Variants in ATP8A2 observed in about 807,000 individuals in gnomAD.
The protein encoded by ATP8A2 is phospholipid-transporting ATPase IB.
In ATP8A2, 100 loss-of-function variants were observed where a neutral mutation model predicts 165.6. The observed-to-expected ratio is 0.60, with a 90% CI of 0.51 to 0.71. ATP8A2 has a LOEUF of 0.71. Among genes scored for constraint, ATP8A2 ranks in the 30% least tolerant of loss-of-function variants. The probability of loss-of-function intolerance (pLI) is 0.00; values close to 1 mark genes in which losing one functional copy is unlikely to be tolerated. For synonymous variants in ATP8A2, 543 were observed against 548.8 expected, an observed-to-expected ratio of 0.99 and a Z score of 0.15; for missense variants, 1,227 against 1,479.5, an observed-to-expected ratio of 0.83 and a Z score of 2.80.
chr13:25,624,077 C>T (rs1281871942), intron 24 of ATP8A2, among the ~76,000 whole-genome samples: 1 of 152,046 alleles, frequency 6.6e-6, no homozygotes, highest in Non-Finnish European at 1.5e-5. Context: ...AAATATTTTG[C>T]ACATTGGTGG....
At chr13:25,620,745 A>G (rs1327352034) in intron 24 of ATP8A2, among the ~76,000 whole-genome samples, 1 of 152,204 alleles carries the variant, frequency 6.6e-6, no homozygotes, top group Non-Finnish European at 1.5e-5. Flanking sequence ...AATTAAGACA[A>G]AATTCTTTAC....
intron 1 of ATP8A2, among the ~76,000 whole-genome samples, chr13:25,447,464 G>C (rs2035100679): frequency 6.6e-6 from 1 of 152,146 alleles, no homozygotes. Flanking sequence ...CATTTACTTG[G>C]CTGCCATGCT....
chr13:25,585,628 CAA>C (rs1275137287), intron 23 of ATP8A2, among the ~76,000 whole-genome samples: 4 of 152,016 alleles, frequency 2.6e-5, no homozygotes, highest in African/African-American at 9.7e-5. Context: ...ATAAGGTAAA[CAA>C]TATGATGTTA....
chr13:25,413,871 T>G (rs1450457964), intron 1 of ATP8A2, among the ~76,000 whole-genome samples: 1 of 152,182 alleles, frequency 6.6e-6, no homozygotes, highest in Non-Finnish European at 1.5e-5. Context: ...ATCCCCTGTT[T>G]TTTTATTTCT....
At chr13:25,533,986 T>G (rs866392672) in intron 6 of ATP8A2, among the ~76,000 whole-genome samples, 36 of 152,340 alleles carry the variant, frequency 2.4e-4, no homozygotes, top group African/African-American at 7.0e-4. Context: ...AGTCCAGCAT[T>G]CAAAGCCGAT....
chr13:25,615,424 G>T (rs1461764719), intron 24 of ATP8A2, among the ~76,000 whole-genome samples: 1 of 152,066 alleles, frequency 6.6e-6, no homozygotes, highest in Non-Finnish European at 1.5e-5. Flanking sequence ...TTATTTCCAG[G>T]CAGTGGGTGA....
At chr13:26,007,134 A>G (rs1228397400) in intron 35 of ATP8A2, among the ~76,000 whole-genome samples, 1 of 152,134 alleles carries the variant, frequency 6.6e-6, no homozygotes, top group African/African-American at 2.4e-5. Context: ...TTTTGTGAAC[A>G]GATAGCTTCC....
intron 24 of ATP8A2, among the ~76,000 whole-genome samples, chr13:25,595,234 A>C (rs1229593551): frequency 6.6e-6 from 1 of 152,220 alleles, no homozygotes; most frequent in African/African-American, 2.4e-5. Flanking sequence ...CATCAAAAGA[A>C]AGATGTACTG....
intron 25 of ATP8A2, among the ~76,000 whole-genome samples, chr13:25,712,214 T>C (rs1477601417): frequency 6.6e-6 from 1 of 152,170 alleles, no homozygotes; most frequent in African/African-American, 2.4e-5. Flanking sequence ...GACTGCTCTT[T>C]GACTTTTGGC....
chr13:25,535,511 T>C (rs2038249765), intron 6 of ATP8A2, among the ~76,000 whole-genome samples: 1 of 152,172 alleles, frequency 6.6e-6, no homozygotes, highest in Admixed American at 6.5e-5. Flanking sequence ...GGAACAATCA[T>C]GTAAGAACAT....
rs529737471 is a variant in ATP8A2 at position 25,854,422 on chromosome 13, A to G, written c.2957-5773A>G. On this transcript the variant is annotated intron_variant, in intron 30 of 36. Coordinates refer to ENST00000381655, the MANE Select transcript of ATP8A2 (RefSeq NM_016529.6). ...GTGATCATAGCTCACTGCAGCTTCA[A>G]CTTCCTGGGCTTAAGGAATCCTCCC... 3.3e-4 allele frequency among the ~76,000 whole-genome samples: 50 copies of G among 152,270 alleles called. 1 individual carries two copies. The highest frequency in any genetic ancestry group is 1.1e-3 in the African/African-American group (44 of 41,544).
intron 25 of ATP8A2, among the ~76,000 whole-genome samples, chr13:25,767,219 G>A (rs1243281324): frequency 7.2e-5 from 11 of 152,312 alleles, no homozygotes; most frequent in East Asian, 5.8e-4. Context: ...CAAACTAGGC[G>A]GGAATAGATA....
rs557443941 is a variant in ATP8A2 at position 25,961,607 on chromosome 13, G to C, written c.3216G>C (p.Trp1072Cys). The C allele has an allele frequency of 6.2e-7, 1 of 1,614,110 alleles. No homozygotes were observed. The highest frequency in any genetic ancestry group is 1.1e-5 in the South Asian group (1 of 91,076). The change falls in exon 34 of 37, where the codon TGG (tryptophan) becomes TGC (cysteine). Residue 1072 changes from tryptophan to cysteine, a missense_variant. By Grantham distance (215) the Trp-to-Cys change is radical. Transcript: ENST00000381655. ...TGGTCCTGAGCTCCGCACACTTCTG[G>C]TTGGGATTATTTCTGGTTCCTACTG... ...ATMVLSSAHF[W>C]LGLFLVPTAC...
chr13:25,641,944 C>A (rs1222913057), intron 24 of ATP8A2, among the ~76,000 whole-genome samples: 1 of 152,090 alleles, frequency 6.6e-6, no homozygotes, highest in African/African-American at 2.4e-5. Context: ...AGAAATAATA[C>A]CACACCTCTA....
intron 36 of ATP8A2, among the ~76,000 whole-genome samples, chr13:26,015,335 G>A (rs1380813420): frequency 2.0e-5 from 3 of 152,096 alleles, no homozygotes; most frequent in Non-Finnish European, 2.9e-5. Context: ...AGCCTTTGAT[G>A]TTCCGCCTGG....
At chr13:25,494,405 C>G (rs929781005) in intron 2 of ATP8A2, among the ~76,000 whole-genome samples, 2 of 152,070 alleles carry the variant, frequency 1.3e-5, no homozygotes, top group Non-Finnish European at 2.9e-5. Flanking sequence ...ACTCCTGCTG[C>G]CAATATTGAA....
rs574744892 is a variant in ATP8A2 at position 25,376,996 on chromosome 13, C to T, written c.76+4708C>T. Among the ~76,000 whole-genome samples, 19 of 152,352 alleles carry T rather than the reference C, an allele frequency of 1.2e-4. No homozygotes were observed. The South Asian group carries it at 3.5e-3, about 28-fold the overall frequency. The stretch of plus-strand genomic sequence containing the variant: ...GACTACAAGGCCGTCTTCTACCCCA[C>T]AGGTGGCCAATAAGCACCTCTGCGG... On this transcript the variant is annotated intron_variant, in intron 1 of 36. Coordinates refer to ENST00000381655, the MANE Select transcript of ATP8A2 (RefSeq NM_016529.6).
intron 36 of ATP8A2, among the ~76,000 whole-genome samples, chr13:26,013,267 T>C (rs1299526377): frequency 6.6e-6 from 1 of 152,104 alleles, no homozygotes; most frequent in African/African-American, 2.4e-5. Context: ...TCCTGCGGCC[T>C]TCCCCAGCCC....
chr13:25,507,069 A>G (rs2037066986), intron 2 of ATP8A2, among the ~76,000 whole-genome samples: 1 of 151,678 alleles, frequency 6.6e-6, no homozygotes, highest in African/African-American at 2.4e-5. Context: ...TACTGTGTAG[A>G]GGGAGATATT....
Sources: gnomAD v4.1 joint callset for allele counts (sites outside exome capture counted in the v4.1 genomes callset) on GRCh38, gnomAD v4.1.1 for gene constraint, MANE v1.5 for transcripts, NCBI Gene and HGNC (gene_info 2026-07-23, HGNC 2026-07-21) for gene names.